LY6G5C: variants seen among roughly 807,000 people sequenced by gnomAD.
The protein encoded by LY6G5C is lymphocyte antigen 6 complex locus protein G5c.
Under a neutral mutation model 10.5 loss-of-function variants are expected in LY6G5C, and 6 were observed. The ratio of observed to expected loss-of-function variants is 0.57; its 90% CI spans 0.31 to 1.12. The LOEUF (loss-of-function observed/expected upper bound fraction) is 1.12, where lower values mean the gene tolerates loss of function less well. LY6G5C is among the 50% of genes most tolerant of loss of function. LY6G5C has a pLI of 0.05. For synonymous variants in LY6G5C, 69 were observed against 67.8 expected (o/e 1.02, Z -0.09); for missense variants, 160 against 185.5 (o/e 0.86, Z 0.80).
rs1027442470 is a variant in LY6G5C at position 31,677,241 on chromosome 6, T to C, written c.290-121A>G. 8.3e-6 allele frequency: 8 copies of C among 960,878 alleles called. 1 individual carries two copies. In the African/African-American group the frequency reaches 1.3e-4, roughly 16 times the overall value. 59.5% of individuals were successfully genotyped at this position (960,878 alleles called of 1,614,324 possible). A position where few individuals can be genotyped will look rare whatever the true frequency, so the allele number is the denominator to read the frequency against. On this transcript the variant is annotated intron_variant, in intron 2 of 2. Coordinates refer to ENST00000383237, the Ensembl canonical transcript of LY6G5C. ...AAGAAAAGATTCCTGTAGTTAGGCA[T>C]GGGTGGACATGCCCAGTGTTCACCA...
upstream of LY6G5C, chr6:31,680,455 CAG>C: frequency 6.7e-7 from 1 of 1,494,090 alleles, no homozygotes. The surrounding 1 kb of genome is among the most constrained non-coding windows in gnomAD (Gnocchi z 4.5). Context: ...AACACCAGCT[CAG>C]GGTGGAAATC....
chr6:31,680,382 G>A, upstream of LY6G5C: 1 of 1,606,240 alleles, frequency 6.2e-7, no homozygotes, highest in Non-Finnish European at 8.5e-7. This position sits in a 1 kb window ranked among gnomAD's most constrained non-coding sequence, Gnocchi z 4.5. Context: ...ATGACTGCCT[G>A]CTGGCCTCCA....
At chr6:31,680,453 C>T (rs1025799413), upstream of LY6G5C, 2 of 1,497,976 alleles carry the variant, frequency 1.3e-6, no homozygotes, top group African/African-American at 2.8e-5. The surrounding 1 kb of genome is among the most constrained non-coding windows in gnomAD (Gnocchi z 4.5). Context: ...GCAACACCAG[C>T]TCAGGGTGGA....
chr6:31,677,141 C>T (rs56112378), intron 2 of LY6G5C, 21 bp from the exon 3 acceptor site: 1 of 1,610,312 alleles, frequency 6.2e-7, no homozygotes, highest in African/African-American at 1.3e-5. Context: ...ACAGTGGGCA[C>T]CAGTGATACG....
exon 3 of LY6G5C, chr6:31,676,766 G>C: frequency 3.5e-6 from 2 of 566,322 alleles, no homozygotes; most frequent in African/African-American, 1.9e-5. Flanking sequence ...AGTAGGGCTG[G>C]GGGTACAGAG....
At chr6:31,678,216 G>C (rs759045431) in intron 2 of LY6G5C, among the ~76,000 whole-genome samples, 33 of 152,214 alleles carry the variant, frequency 2.2e-4, no homozygotes, top group Non-Finnish European at 4.6e-4. Context: ...AAGAAAGGTG[G>C]GGGGTCGGTG....
intron 2 of LY6G5C, among the ~76,000 whole-genome samples, chr6:31,678,831 T>A (rs1227765195): frequency 6.6e-6 from 1 of 151,976 alleles, no homozygotes; most frequent in Non-Finnish European, 1.5e-5. Flanking sequence ...ATACAAAAAA[T>A]TAGCTGGGCG....
intron 2 of LY6G5C, among the ~76,000 whole-genome samples, chr6:31,677,910 T>C (rs1309886192): frequency 6.6e-6 from 1 of 152,070 alleles, no homozygotes; most frequent in African/African-American, 2.4e-5. Context: ...CGGGAGACTT[T>C]GGTTTGATGG....
chr6:31,677,376 G>T (rs1023945703), intron 2 of LY6G5C, among the ~76,000 whole-genome samples: 9 of 152,152 alleles, frequency 5.9e-5, no homozygotes, highest in African/African-American at 2.2e-4. Context: ...AGGAGAACTA[G>T]CACCATAGGA....
rs11575852 is a variant in LY6G5C at position 31,679,224 on chromosome 6, A to G, written c.166T>C (p.Phe56Leu). 35,832 of 1,612,938 alleles carry G rather than the reference A, an allele frequency of 0.022. 538 individuals are homozygous for G. The highest frequency in any genetic ancestry group is 0.024 in the Non-Finnish European group (28,115 of 1,179,970). The change falls in exon 2 of 3, where the codon TTC becomes CTC. Residue 56 changes from phenylalanine (F) to leucine (L), a missense_variant. Coordinates refer to ENST00000383237, the Ensembl canonical transcript of LY6G5C. The surrounding 1 kb of genome is among the most constrained non-coding windows in gnomAD (Gnocchi z 4.4). ...CGGTAGCAGCGCAGGTATTTGGGGAATGGAAGTGGTTGAGGGGGTTCCCAA... is the reference window on the plus strand; with the variant it reads ...CGGTAGCAGCGCAGGTATTTGGGGAGTGGAAGTGGTTGAGGGGGTTCCCAA...
In LY6G5C at chr6:31,679,409, C is replaced by A. The variant is rs1802762535; in HGVS notation, c.122-141G>T. The A allele has an allele frequency of 5.8e-6, 5 of 854,834 alleles. No homozygotes were observed. Among genetic ancestry groups the A allele is most frequent in the Non-Finnish European group, 1.9e-6 (1 of 528,912 alleles). The allele number at this position is 854,834 out of a possible 1,614,324, so 53.0% of individuals were successfully genotyped here. On this transcript the variant is annotated intron_variant, in intron 1 of 2. Transcript: ENST00000383237. This position sits in a 1 kb window ranked among gnomAD's most constrained non-coding sequence, Gnocchi z 4.4. ...CATCAAAGCCCCAATTCTCTGCTTC[C>A]TTCCCCAACTGCATACACATACATC... is the stretch of plus-strand genomic sequence containing the variant.
chr6:31,680,057 A>G lies in LY6G5C; in HGVS notation c.121+196T>C. On this transcript the variant is annotated intron_variant, in intron 1 of 2. Transcript: ENST00000383237. This position sits in a 1 kb window ranked among gnomAD's most constrained non-coding sequence, Gnocchi z 4.5. Reference sequence around the variant, plus strand: ...GCGAGACTCCATCTCAAAAATAATAATAATAATAAATTTTTAAAAATCTTC... The same window carrying G: ...GCGAGACTCCATCTCAAAAATAATAGTAATAATAAATTTTTAAAAATCTTC... 3.6e-6 allele frequency: 2 copies of G among 556,358 alleles called. No homozygotes were observed. The highest frequency in any genetic ancestry group is 6.3e-6 in the Non-Finnish European group (2 of 317,092). The allele number at this position is 556,358 out of a possible 1,614,324, so 34.5% of individuals were successfully genotyped here. A position where few individuals can be genotyped will look rare whatever the true frequency, so the allele number is the denominator to read the frequency against.
At position 31,677,291 on chromosome 6, in the gene LY6G5C, C is replaced by T. The variant is rs370127670; in HGVS notation, c.290-171G>A. ...AGCCATGGAACTCCACTGAAGTTCC[C>T]ATGCAAGGCTGGAGGAAAAGAGCCA... On this transcript the variant is annotated intron_variant, in intron 2 of 2. Coordinates refer to ENST00000383237, the Ensembl canonical transcript of LY6G5C. Among the ~76,000 whole-genome samples, 12 of 152,158 alleles carry T rather than the reference C, an allele frequency of 7.9e-5. No individual in the cohort carries two copies. The East Asian group carries it at 1.7e-3, about 22-fold the overall frequency.
intron 2 of LY6G5C, 132 bp downstream of exon 2, chr6:31,678,969 C>CA (rs9281552): frequency 0.35 from 290,465 of 840,716 alleles, 21,134 homozygotes; most frequent in African/African-American, 0.63. Context: ...GACAGAGCAG[C>CA]AAAAAAAAAA....
chr6:31,677,151 G>A lies in LY6G5C; in HGVS notation c.290-31C>T, dbSNP rs367948572. Reference sequence around the variant, plus strand: ...GAGGGACAGTGGGCACCAGTGATACGGAAGTCCCCAGGAAGAGCCCCAAAT... The same window carrying A: ...GAGGGACAGTGGGCACCAGTGATACAGAAGTCCCCAGGAAGAGCCCCAAAT... On this transcript the variant is annotated intron_variant, in intron 2 of 2. Coordinates refer to ENST00000383237, the Ensembl canonical transcript of LY6G5C. 3.7e-6 allele frequency: 6 copies of A among 1,607,890 alleles called. No homozygotes were observed. The African/African-American group carries it at 6.7e-5, about 18-fold the overall frequency.
At chr6:31,680,576 T>A (rs541010406), upstream of LY6G5C, among the ~76,000 whole-genome samples, 3 of 152,352 alleles carry the variant, frequency 2.0e-5, no homozygotes, top group East Asian at 5.8e-4. This position sits in a 1 kb window ranked among gnomAD's most constrained non-coding sequence, Gnocchi z 4.5. Context: ...GAAAAGGAAC[T>A]GTCTTTCCTA....
chr6:31,680,264 C>T lies in LY6G5C; in HGVS notation c.110G>A (p.Ser37Asn), dbSNP rs1802812107. The T allele has an allele frequency of 6.2e-7, 1 of 1,612,850 alleles. No individual in the cohort carries two copies. Residue 37 changes from serine to asparagine, a missense_variant, in exon 1 of 3, where the codon AGC becomes AAC. By Grantham distance (46) the Ser-to-Asn change is conservative. Coordinates refer to ENST00000383237, the Ensembl canonical transcript of LY6G5C. The surrounding 1 kb of genome is among the most constrained non-coding windows in gnomAD (Gnocchi z 4.5). The stretch of plus-strand genomic sequence containing the variant: ...TTGGAGCCACTTACCAAACACCAAG[C>T]TCATCATGACCAGCACTATTAAGAG...
At chr6:31,681,038 T>C (rs1802862665), upstream of LY6G5C, among the ~76,000 whole-genome samples, 8 of 150,564 alleles carry the variant, frequency 5.3e-5, no homozygotes, top group Admixed American at 5.3e-4. Context: ...GTGGTACCAT[T>C]TTCCAAGATA....
intron 2 of LY6G5C, among the ~76,000 whole-genome samples, chr6:31,677,891 G>A (rs1469759722): frequency 6.6e-6 from 1 of 152,170 alleles, no homozygotes; most frequent in East Asian, 1.9e-4. Flanking sequence ...AGGTGGGTTA[G>A]GGTAGTAGCG....
Sources: allele counts gnomAD v4.1 joint callset (sites outside exome capture counted in the v4.1 genomes callset), GRCh38; gene constraint gnomAD v4.1.1; non-coding constraint Gnocchi (gnomAD v3.1); transcripts MANE v1.5; gene names NCBI Gene and HGNC (gene_info 2026-07-23, HGNC 2026-07-21).